The following RELN variants were observed in gnomAD, a reference collection of about 807,000 sequenced individuals.
The protein encoded by RELN is reelin.
Under a neutral mutation model 427.6 loss-of-function variants are expected in RELN, and 108 were observed. That is an observed-to-expected ratio of 0.25 (90% CI 0.22 to 0.30). RELN has a LOEUF of 0.30. RELN is among the 10% of genes least tolerant of loss of function. The pLI, the probability that RELN is intolerant of heterozygous loss-of-function variation, is 1.00. For missense variants in RELN, 3,715 were observed against 4,302.8 expected, an observed-to-expected ratio of 0.86 and a Z score of 3.82; for synonymous variants, 1,524 against 1,513.4, an observed-to-expected ratio of 1.01 and a Z score of -0.16.
chr7:103,926,096 C>T (rs1446598517), intron 1 of RELN, among the ~76,000 whole-genome samples: 2 of 90,578 alleles, frequency 2.2e-5, no homozygotes, highest in African/African-American at 4.5e-5. Context: ...ACCCCCACCC[C>T]GCCTTTTTTT....
chr7:103,682,621 C>T (rs561964249), intron 10 of RELN, among the ~76,000 whole-genome samples: 118 of 152,264 alleles, frequency 7.7e-4, no homozygotes, highest in African/African-American at 2.5e-3. Context: ...CTGTGGTTAT[C>T]GGCTAAATAG....
chr7:103,808,085 G>A lies in RELN; in HGVS notation c.473+25452C>T, dbSNP rs139993620. On this transcript the variant is annotated intron_variant, in intron 3 of 64. Coordinates refer to ENST00000428762, the MANE Select transcript of RELN (RefSeq NM_005045.4). ...TTAGGTATAAATCCTCCTTCAAGAG[G>A]TTGGAAAGTCTGTTTAAAAGATTCT... Among the ~76,000 whole-genome samples the A allele has an allele frequency of 1.2e-3, 180 of 152,278 alleles. 3 individuals carry two copies. Among genetic ancestry groups the A allele is most frequent in the African/African-American group, 4.1e-3 (171 of 41,568 alleles).
chr7:103,676,879 G>T (rs1217311659), intron 11 of RELN, among the ~76,000 whole-genome samples: 3 of 152,076 alleles, frequency 2.0e-5, no homozygotes, highest in African/African-American at 7.2e-5. Context: ...TCACACAGCG[G>T]GGCCTGTCAT....
At chr7:103,799,848 T>C (rs546965577) in intron 3 of RELN, among the ~76,000 whole-genome samples, 32 of 152,240 alleles carry the variant, frequency 2.1e-4, no homozygotes, top group South Asian at 1.9e-3. Context: ...TGACTTAACC[T>C]CTCTGTGCCC....
chr7:103,678,574 A>T (rs1320069648), intron 11 of RELN, among the ~76,000 whole-genome samples: 1 of 152,176 alleles, frequency 6.6e-6, no homozygotes, highest in Non-Finnish European at 1.5e-5. Context: ...GAAAATATGG[A>T]TAATTGGGAA....
intron 18 of RELN, among the ~76,000 whole-genome samples, chr7:103,636,020 A>G (rs1832571870): frequency 6.6e-6 from 1 of 152,200 alleles, no homozygotes; most frequent in Non-Finnish European, 1.5e-5. Flanking sequence ...TATTTTAAAA[A>G]ACCTAGTCAG....
At chr7:103,630,240 G>A in intron 19 of RELN, 64 bp from the exon 20 acceptor site, 1 of 1,086,088 alleles carries the variant, frequency 9.2e-7, no homozygotes, top group Non-Finnish European at 1.4e-6. Context: ...AATATTTATA[G>A]TGGGATAGAT....
At chr7:103,896,835 C>G (rs555901193) in intron 2 of RELN, among the ~76,000 whole-genome samples, 5 of 151,994 alleles carry the variant, frequency 3.3e-5, no homozygotes, top group African/African-American at 9.7e-5. Flanking sequence ...TAGACTGATA[C>G]GACTTCAATT....
rs948422815 is a variant in RELN at position 103,535,382 on chromosome 7, C to T, written c.7283G>A (p.Arg2428Gln). ...GTTGAAAGTGTCTGACACCAGGATC[C>T]GTTGCAGATGATAGCGACTGCATTC... ...NVECSRYHLQ[R>Q]ILVSDTFNKW... Residue 2428 changes from arginine (R) to glutamine (Q), a missense_variant, in exon 46 of 65, where the codon CGG (arginine) becomes CAG (glutamine). By Grantham distance (43) the Arg-to-Gln change is conservative. Around this residue, in one of 4 missense-constraint regions of RELN, gnomAD observed 1,310 missense variants for 1,643.0 expected, o/e 0.80. Coordinates refer to ENST00000428762, the MANE Select transcript of RELN (RefSeq NM_005045.4). The T allele has an allele frequency of 1.9e-6, 3 of 1,614,030 alleles. No individual in the cohort carries two copies. Among genetic ancestry groups the T allele is most frequent in the East Asian group, 4.5e-5 (2 of 44,876 alleles).
At chr7:103,851,565 A>G (rs7788125) in intron 2 of RELN, among the ~76,000 whole-genome samples, 45,692 of 152,088 alleles carry the variant, frequency 0.3, 7,347 homozygotes, top group East Asian at 0.62. Context: ...AGCTCTCCGT[A>G]GTACTGAAGT....
chr7:103,938,081 G>T (rs186072723), intron 1 of RELN, among the ~76,000 whole-genome samples: 26 of 152,146 alleles, frequency 1.7e-4, no homozygotes, highest in Admixed American at 1.1e-3. Flanking sequence ...AGCTCTTTGG[G>T]AGGCCAAGGT....
chr7:103,864,059 C>A (rs898856131), intron 2 of RELN, among the ~76,000 whole-genome samples: 1 of 152,122 alleles, frequency 6.6e-6, no homozygotes, highest in Non-Finnish European at 1.5e-5. Flanking sequence ...TCACATCTTG[C>A]TTTTCAACTT....
At position 103,668,873 on chromosome 7, in the gene RELN, T is replaced by C. The variant is rs75040779; in HGVS notation, c.1290-7346A>G. Among the ~76,000 whole-genome samples, 435 of 152,292 alleles carry C rather than the reference T, an allele frequency of 2.9e-3. 3 individuals carry two copies. Among genetic ancestry groups the C allele is most frequent in the African/African-American group, 9.9e-3 (412 of 41,570 alleles). ...GGTTATAAATGATGCAGATGATGAC[T>C]CCTTTTTGATATCTATCTGCTTTAG... On this transcript the variant is annotated intron_variant, in intron 11 of 64. Transcript: ENST00000428762.
At chr7:103,937,820 G>A (rs562436222) in intron 1 of RELN, among the ~76,000 whole-genome samples, 20 of 152,142 alleles carry the variant, frequency 1.3e-4, no homozygotes, top group Admixed American at 3.3e-4. Flanking sequence ...TTAGCTGTTC[G>A]TGTAACACAA....
intron 52 of RELN, among the ~76,000 whole-genome samples, chr7:103,502,804 A>T (rs553513259): frequency 6.6e-6 from 1 of 152,348 alleles, no homozygotes; most frequent in South Asian, 2.1e-4. Context: ...GCAAAAGCCC[A>T]TATTGCCAAG....
In RELN at chr7:103,493,370, C is replaced by T. The variant is rs553722779; in HGVS notation, c.9370-1344G>A. 3.3e-5 allele frequency among the ~76,000 whole-genome samples: 5 copies of T among 152,156 alleles called. No homozygotes were observed. In the East Asian group the frequency reaches 5.8e-4, roughly 18 times the overall value. On this transcript the variant is annotated intron_variant, in intron 57 of 64. Transcript: ENST00000428762. ...GTTACTAGGTGATTGGTGGTGCCATCGACAGAAACAGGAAAATCAGAGGAG... is the reference window on the plus strand; with the variant it reads ...GTTACTAGGTGATTGGTGGTGCCATTGACAGAAACAGGAAAATCAGAGGAG...
chr7:103,961,087 G>T (rs7809970), intron 1 of RELN, among the ~76,000 whole-genome samples: 74,804 of 152,062 alleles, frequency 0.49, 18,460 homozygotes, highest in African/African-American at 0.52. Flanking sequence ...AATATAAAAC[G>T]TTGCTTGTGC....
intron 25 of RELN, among the ~76,000 whole-genome samples, chr7:103,595,226 C>T (rs543457053): frequency 5.3e-4 from 81 of 152,290 alleles, no homozygotes; most frequent in African/African-American, 1.8e-3. Context: ...TCACATATTA[C>T]TTGGAAAAAA....
chr7:103,986,883 G>A (rs890263101), intron 1 of RELN, among the ~76,000 whole-genome samples: 5 of 151,274 alleles, frequency 3.3e-5, no homozygotes, highest in African/African-American at 1.2e-4. Flanking sequence ...AACCACAAAA[G>A]TACATGAGAT....
Sources: gnomAD v4.1 joint callset for allele counts (sites outside exome capture counted in the v4.1 genomes callset) on GRCh38, gnomAD v4.1.1 for gene constraint, gnomAD v4.1.1 regional missense constraint, MANE v1.5 for transcripts, NCBI Gene and HGNC (gene_info 2026-07-23, HGNC 2026-07-21) for gene names.